NR2C1: variants seen among roughly 807,000 people sequenced by gnomAD.
NR2C1 encodes the protein TR2 nuclear hormone receptor.
A neutral mutation model predicts 74.8 loss-of-function variants in NR2C1; 33 were observed. The observed-to-expected ratio is 0.44, with a 90% CI of 0.33 to 0.59. The LOEUF is 0.59. Ranked by LOEUF, NR2C1 falls within the 20% of genes least tolerant of loss-of-function variation. NR2C1 has a pLI of 0.02. For missense variants in NR2C1, 568 were observed against 715.6 expected (o/e 0.79, Z 2.35); for synonymous variants, 225 against 240.6 (o/e 0.94, Z 0.60).
chr12:95,052,579 C>T (rs1402525699), intron 7 of NR2C1, among the ~76,000 whole-genome samples: 1 of 152,192 alleles, frequency 6.6e-6, no homozygotes, highest in African/African-American at 2.4e-5. Context: ...CCTCAGCCTC[C>T]TGAGCAGCTG....
chr12:95,027,707 G>A (rs1021206348), intron 12 of NR2C1, among the ~76,000 whole-genome samples: 1 of 151,894 alleles, frequency 6.6e-6, no homozygotes, highest in African/African-American at 2.4e-5. Context: ...CTACACTCCA[G>A]CCTGGGCGAC....
chr12:95,053,716 A>G (rs1592768185), intron 7 of NR2C1, among the ~76,000 whole-genome samples: 1 of 105,508 alleles, frequency 9.5e-6, no homozygotes, highest in Non-Finnish European at 1.7e-5. Context: ...ACAGAGTCTT[A>G]CTCTGTCGCC....
chr12:95,067,042 A>G, intron 2 of NR2C1: 1 of 416,594 alleles, frequency 2.4e-6, no homozygotes, highest in Non-Finnish European at 4.2e-6. Flanking sequence ...TTCCCTCAAA[A>G]GCATTCCTAC....
chr12:95,056,990 T>C lies in NR2C1; in HGVS notation c.783+563A>G, dbSNP rs993062792. 2.0e-5 allele frequency among the ~76,000 whole-genome samples: 3 copies of C among 150,338 alleles called. No homozygotes were observed. The South Asian group carries it at 6.3e-4, about 31-fold the overall frequency. On this transcript the variant is annotated intron_variant, in intron 7 of 13. Transcript: ENST00000333003. ...AAAAAAAAAAAGACTTTTACACCTA[T>C]AATAAATGTCTTACTGAGGACTCGT...
Position 95,051,773 on chromosome 12 carries a change from A to G in NR2C1, c.954T>C (p.Gly318=). ...LCEFQEMQTN[G]DVSRAFDTLA... is the part of the protein sequence containing the mutation. ...AAAAGATACCTTACCTTGAAACATC[A>G]CCGTTGGTCTGCATTTCTTGAAATT... The change falls in exon 8 of 14, where the codon GGT becomes GGC. Residue 318 remains glycine, a synonymous_variant. Coordinates refer to ENST00000333003, the MANE Select transcript of NR2C1 (RefSeq NM_003297.4). 5.0e-6 allele frequency: 8 copies of G among 1,603,030 alleles called. No homozygotes were observed. The highest frequency in any genetic ancestry group is 6.8e-6 in the Non-Finnish European group (8 of 1,177,254).
intron 10 of NR2C1, among the ~76,000 whole-genome samples, chr12:95,033,720 C>T (rs1378868774): frequency 1.3e-5 from 2 of 152,162 alleles, no homozygotes; most frequent in African/African-American, 4.8e-5. Context: ...GTCACGCACA[C>T]ACGTATCCTC....
chr12:95,073,194 A>C (rs1877003949), intron 1 of NR2C1, among the ~76,000 whole-genome samples, 186 bp downstream of exon 1: 1 of 152,134 alleles, frequency 6.6e-6, no homozygotes, highest in African/African-American at 2.4e-5. Context: ...TTGGCGCCGC[A>C]GCTCCGCGCT....
intron 9 of NR2C1, among the ~76,000 whole-genome samples, chr12:95,047,892 G>A (rs1260328916): frequency 6.6e-6 from 1 of 152,136 alleles, no homozygotes; most frequent in Non-Finnish European, 1.5e-5. Flanking sequence ...CTAGTATTCT[G>A]CATGTATTGT....
At chr12:95,058,793 TTTA>T (rs982422423) in intron 4 of NR2C1, among the ~76,000 whole-genome samples, 1 of 151,966 alleles carries the variant, frequency 6.6e-6, no homozygotes, top group Non-Finnish European at 1.5e-5. Flanking sequence ...CCCGACCAGT[TTTA>T]TTATTATTTT....
At chr12:95,064,698 T>A (rs1422546263) in intron 2 of NR2C1, among the ~76,000 whole-genome samples, 1 of 152,026 alleles carries the variant, frequency 6.6e-6, no homozygotes, top group Non-Finnish European at 1.5e-5. Flanking sequence ...GCATTGAGAG[T>A]TTCTGTTATT....
At chr12:95,039,266 A>C (rs1207129179) in intron 10 of NR2C1, among the ~76,000 whole-genome samples, 1 of 152,222 alleles carries the variant, frequency 6.6e-6, no homozygotes, top group African/African-American at 2.4e-5. Flanking sequence ...CCTTTATTCA[A>C]TTCTCTGTAT....
chr12:95,051,530 CAG>C (rs971426283), intron 8 of NR2C1, among the ~76,000 whole-genome samples: 2 of 152,140 alleles, frequency 1.3e-5, no homozygotes, highest in African/African-American at 4.8e-5. Flanking sequence ...TTGAAAAGGT[CAG>C]AAAGGCCTGC....
At chr12:95,060,218 T>C (rs200780702) in intron 3 of NR2C1, among the ~76,000 whole-genome samples, 5 of 152,118 alleles carry the variant, frequency 3.3e-5, no homozygotes, top group African/African-American at 1.2e-4. Context: ...ACCTTTTAAA[T>C]AGAAAAGGGG....
At chr12:95,038,448 C>T (rs1871129732) in intron 10 of NR2C1, among the ~76,000 whole-genome samples, 1 of 152,228 alleles carries the variant, frequency 6.6e-6, no homozygotes, top group African/African-American at 2.4e-5. Flanking sequence ...GTGAACTACA[C>T]TTAATATTTT....
chr12:95,031,543 A>G (rs753990518), intron 10 of NR2C1, 55 bp from the exon 11 acceptor site: 262 of 1,401,966 alleles, frequency 1.9e-4, no homozygotes, highest in Non-Finnish European at 2.3e-4. Flanking sequence ...TAAGTTTTAT[A>G]AACCTTACAG....
Sources: allele counts gnomAD v4.1 joint callset (sites outside exome capture counted in the v4.1 genomes callset), GRCh38; gene constraint gnomAD v4.1.1; transcripts MANE v1.5; gene names NCBI Gene and HGNC (gene_info 2026-07-23, HGNC 2026-07-21).